Variants in EML6 observed in about 807,000 individuals in gnomAD.
EML6 encodes the protein EMAP like 6, also known as echinoderm microtubule-associated protein-like 6.
In EML6, 154 loss-of-function variants were observed where a neutral mutation model predicts 240.1. The observed-to-expected ratio is 0.64, with a 90% CI of 0.56 to 0.73. EML6 has a LOEUF of 0.73. Among genes scored for constraint, EML6 ranks in the 30% least tolerant of loss-of-function variants. EML6 has a pLI of 0.00. For missense variants in EML6, 2,964 were observed against 2,474.6 expected (o/e 1.20, Z -4.20); for synonymous variants, 1,148 against 899.0 (o/e 1.28, Z -4.95).
chr2:54,866,004 AG>A (rs1395109037), intron 13 of EML6, among the ~76,000 whole-genome samples: 4 of 152,338 alleles, frequency 2.6e-5, no homozygotes, highest in South Asian at 4.1e-4. Context: ...AGATTCTAGA[AG>A]CTTGGTTAAT....
chr2:54,826,435 C>T (rs1323594771), intron 5 of EML6, among the ~76,000 whole-genome samples: 3 of 152,142 alleles, frequency 2.0e-5, no homozygotes, highest in African/African-American at 7.2e-5. Context: ...CCCATCTCTA[C>T]TAAAAATACA....
Position 54,895,013 on chromosome 2 carries a change from G to C in EML6, c.2841G>C (p.Ser947=). 4 of 1,550,342 alleles carry C rather than the reference G, an allele frequency of 2.6e-6. No homozygotes were observed. The highest frequency in any genetic ancestry group is 1.7e-6 in the Non-Finnish European group (2 of 1,145,720). ...KTYAIKRSAL[S]TSSKGLLLED... is the part of the protein sequence containing the mutation. Reference sequence around the variant, plus strand: ...ATGCCATTAAAAGATCAGCATTGTCGACTAGCTCAAAAGGTGCCACTCCCA... The same window carrying C: ...ATGCCATTAAAAGATCAGCATTGTCCACTAGCTCAAAAGGTGCCACTCCCA... Residue 947 remains serine (S), a synonymous_variant, in exon 20 of 42, where the codon TCG becomes TCC. Coordinates refer to ENST00000356458, the MANE Select transcript of EML6 (RefSeq NM_001039753.4).
At chr2:54,877,958 G>A (rs1279560154) in intron 16 of EML6, among the ~76,000 whole-genome samples, 1 of 152,180 alleles carries the variant, frequency 6.6e-6, no homozygotes, top group Non-Finnish European at 1.5e-5. Flanking sequence ...CATAAGCAAG[G>A]GCCCTCAAAG....
intron 24 of EML6, among the ~76,000 whole-genome samples, chr2:54,905,720 A>AT (rs1452767310): frequency 6.6e-6 from 1 of 152,078 alleles, no homozygotes; most frequent in Non-Finnish European, 1.5e-5. Flanking sequence ...GGCATCTACC[A>AT]TTTTACTTTC....
chr2:54,906,016 G>C (rs1439893668), intron 24 of EML6, among the ~76,000 whole-genome samples: 1 of 152,158 alleles, frequency 6.6e-6, no homozygotes, highest in Admixed American at 6.5e-5. Flanking sequence ...TCAAAACCCT[G>C]CTTTCAAGTA....
intron 11 of EML6, among the ~76,000 whole-genome samples, chr2:54,854,075 TAG>T (rs957901041): frequency 1.3e-5 from 2 of 152,250 alleles, no homozygotes; most frequent in African/African-American, 2.4e-5. Flanking sequence ...AATTTGCTAA[TAG>T]AGTTATTACC....
intron 28 of EML6, among the ~76,000 whole-genome samples, chr2:54,941,233 C>T (rs997041517): frequency 6.6e-6 from 1 of 152,164 alleles, no homozygotes; most frequent in African/African-American, 2.4e-5. Context: ...TCTTTCACCT[C>T]GAACATTTGT....
intron 5 of EML6, among the ~76,000 whole-genome samples, chr2:54,821,663 A>G (rs993586028): frequency 6.6e-6 from 1 of 152,154 alleles, no homozygotes; most frequent in Non-Finnish European, 1.5e-5. Context: ...TTTAAATGAT[A>G]CAAGACTTGG....
At chr2:54,938,550 A>T (rs536271799) in intron 28 of EML6, among the ~76,000 whole-genome samples, 1 of 152,146 alleles carries the variant, frequency 6.6e-6, no homozygotes, top group East Asian at 1.9e-4. Flanking sequence ...CACATACCCA[A>T]ATGTTTAGCA....
intron 39 of EML6, among the ~76,000 whole-genome samples, chr2:54,967,671 G>T (rs1558735950): frequency 6.6e-6 from 1 of 151,956 alleles, no homozygotes; most frequent in South Asian, 2.1e-4. Flanking sequence ...GTACAGAGGG[G>T]AAGGGGACAG....
At chr2:54,798,366 G>T (rs910628382) in intron 2 of EML6, among the ~76,000 whole-genome samples, 1 of 152,010 alleles carries the variant, frequency 6.6e-6, no homozygotes, top group African/African-American at 2.4e-5. Context: ...GTAGAGATGG[G>T]GTTTCACCAT....
chr2:54,843,411 G>C (rs1669566523), intron 7 of EML6, among the ~76,000 whole-genome samples: 1 of 152,190 alleles, frequency 6.6e-6, no homozygotes, highest in Non-Finnish European at 1.5e-5. Context: ...GGGCAACAGA[G>C]TGAGACCTTG....
intron 5 of EML6, among the ~76,000 whole-genome samples, chr2:54,823,288 G>A (rs1668415469): frequency 1.3e-5 from 2 of 152,128 alleles, no homozygotes; most frequent in Admixed American, 1.3e-4. Context: ...GGGTGAGTTT[G>A]GTAGGAAGGG....
At chr2:54,781,731 G>A (rs760081674) in intron 2 of EML6, among the ~76,000 whole-genome samples, 1 of 152,140 alleles carries the variant, frequency 6.6e-6, no homozygotes, top group Non-Finnish European at 1.5e-5. Flanking sequence ...GTGCAGTGGT[G>A]CGATCACACC....
At chr2:54,810,651 C>T (rs1258086254) in intron 2 of EML6, among the ~76,000 whole-genome samples, 1 of 152,144 alleles carries the variant, frequency 6.6e-6, no homozygotes, top group South Asian at 2.1e-4. Context: ...TGGGTAGAAC[C>T]TCTTGCCTAT....
chr2:54,841,461 C>G (rs1669447851), intron 7 of EML6, among the ~76,000 whole-genome samples: 1 of 152,170 alleles, frequency 6.6e-6, no homozygotes, highest in South Asian at 2.1e-4. Flanking sequence ...ATGCATTTAT[C>G]TCATTGGATC....
chr2:54,779,295 T>C (rs1336577110), intron 2 of EML6, among the ~76,000 whole-genome samples: 2 of 151,962 alleles, frequency 1.3e-5, no homozygotes, highest in Admixed American at 1.3e-4. Flanking sequence ...TCCCAGCACT[T>C]TGGGAGGCCA....
At chr2:54,923,584 G>T (rs899023718) in intron 26 of EML6, among the ~76,000 whole-genome samples, 1 of 152,010 alleles carries the variant, frequency 6.6e-6, no homozygotes, top group Non-Finnish European at 1.5e-5. Flanking sequence ...ACCCCTAAAT[G>T]TTTCATCATG....
chr2:54,919,245 C>CCG (rs1045125479), intron 26 of EML6, among the ~76,000 whole-genome samples: 2 of 137,040 alleles, frequency 1.5e-5, no homozygotes, highest in African/African-American at 5.4e-5. Flanking sequence ...TTTTGCTTCC[C>CCG]CCCCCCCCCA....
Sources: gnomAD v4.1 joint callset for allele counts (sites outside exome capture counted in the v4.1 genomes callset) on GRCh38, gnomAD v4.1.1 for gene constraint, MANE v1.5 for transcripts, NCBI Gene and HGNC (gene_info 2026-07-23, HGNC 2026-07-21) for gene names.